Variants in CIB2 observed in about 807,000 individuals in gnomAD.
CIB2 encodes the protein calcium and integrin-binding family member 2.
In CIB2, 19 loss-of-function variants were observed where a neutral mutation model predicts 23.1. That is an observed-to-expected ratio of 0.82 (90% CI 0.57 to 1.21). CIB2 has a LOEUF of 1.21. Ranked by LOEUF, CIB2 falls within the 50% of genes most tolerant of loss-of-function variation. The pLI is 0.00. For synonymous variants in CIB2, 94 were observed against 91.7 expected, an observed-to-expected ratio of 1.03 and a Z score of -0.14; for missense variants, 220 against 241.5, an observed-to-expected ratio of 0.91 and a Z score of 0.59.
chr15:78,106,663 C>T (rs1174620951), intron 4 of CIB2, among the ~76,000 whole-genome samples: 1 of 152,130 alleles, frequency 6.6e-6, no homozygotes, highest in African/African-American at 2.4e-5. Context: ...ACCAGATCTG[C>T]GCATGTGCTG....
At chr15:78,120,777 G>A (rs1030484501) in intron 2 of CIB2, 5 of 979,644 alleles carry the variant, frequency 5.1e-6, no homozygotes, top group African/African-American at 1.8e-5. Flanking sequence ...AAAACCTCCT[G>A]CTCAAGTTTC....
At chr15:78,106,074 G>A (rs2074066400) in intron 4 of CIB2, 140 bp from the exon 5 acceptor site, 2 of 694,464 alleles carry the variant, frequency 2.9e-6, no homozygotes, top group Non-Finnish European at 4.8e-6. Flanking sequence ...CACACTCTTG[G>A]GATACTGGAT....
intron 3 of CIB2, 93 bp downstream of exon 3, chr15:78,111,072 G>A: frequency 9.8e-7 from 1 of 1,024,958 alleles, no homozygotes; most frequent in Non-Finnish European, 1.5e-6. Context: ...CAGACACAAA[G>A]GGTGGAGCTG....
chr15:78,110,797 A>C, intron 3 of CIB2: 1 of 463,560 alleles, frequency 2.2e-6, no homozygotes, highest in Non-Finnish European at 4.3e-6. Flanking sequence ...GCTATGGATG[A>C]CCACCATGCT....
intron 2 of CIB2, among the ~76,000 whole-genome samples, chr15:78,122,087 T>C (rs964693578): frequency 6.6e-6 from 1 of 152,156 alleles, no homozygotes; most frequent in Non-Finnish European, 1.5e-5. Flanking sequence ...TCCCTGTTAG[T>C]CCTGCCTGAT....
At chr15:78,119,116 A>G (rs8028859) in intron 2 of CIB2, among the ~76,000 whole-genome samples, 49,919 of 150,832 alleles carry the variant, frequency 0.33, 8,560 homozygotes, top group African/African-American at 0.43. Context: ...GGAGGCAGAG[A>G]TTGCAGCGAG....
At chr15:78,112,024 G>C (rs1385950915) in intron 2 of CIB2, among the ~76,000 whole-genome samples, 2 of 152,104 alleles carry the variant, frequency 1.3e-5, no homozygotes, top group Non-Finnish European at 2.9e-5. Flanking sequence ...GGTGGGCCTG[G>C]CCCTCCCTCC....
At chr15:78,117,122 G>A (rs796879096) in intron 2 of CIB2, among the ~76,000 whole-genome samples, 5 of 151,214 alleles carry the variant, frequency 3.3e-5, no homozygotes, top group African/African-American at 9.7e-5. Context: ...TAATGATGAC[G>A]ATGATCTGTT....
intron 2 of CIB2, among the ~76,000 whole-genome samples, chr15:78,117,617 C>A (rs2074258680): frequency 6.6e-6 from 1 of 152,150 alleles, no homozygotes; most frequent in African/African-American, 2.4e-5. Context: ...TTGCTGCCAC[C>A]ATATACAGAT....
intron 2 of CIB2, among the ~76,000 whole-genome samples, chr15:78,122,958 A>T (rs189587992): frequency 1.7e-4 from 26 of 152,274 alleles, no homozygotes; most frequent in African/African-American, 6.3e-4. Context: ...TGATCCTGGG[A>T]CTTTGCTGGC....
At chr15:78,130,735 G>T (rs900541640) in intron 1 of CIB2, among the ~76,000 whole-genome samples, 3 of 152,170 alleles carry the variant, frequency 2.0e-5, no homozygotes, top group Non-Finnish European at 2.9e-5. Flanking sequence ...TCCTAGACCA[G>T]ACAGGACGCC....
chr15:78,111,199 G>A lies in CIB2; in HGVS notation c.164C>T (p.Pro55Leu), dbSNP rs767935017. Residue 55 changes from proline (P) to leucine (L), a missense_variant, in exon 3 of 6, where the codon CCC becomes CTC. Physicochemically the swap from Pro to Leu is moderately conservative, Grantham distance 98. Coordinates refer to ENST00000258930, the MANE Select transcript of CIB2 (RefSeq NM_006383.4). ...DYRKSPIVHVPMSLIIQMPEL... is the reference protein window; with the variant it reads ...DYRKSPIVHVLMSLIIQMPEL... Reference sequence around the variant, plus strand: ...TGGCATCTGGATGATGAGGCTCATGGGCACGTGGACGATGGGGCTCTTCCT... The same window carrying A: ...TGGCATCTGGATGATGAGGCTCATGAGCACGTGGACGATGGGGCTCTTCCT... 2.5e-6 allele frequency: 4 copies of A among 1,614,208 alleles called. No individual in the cohort carries two copies. The highest frequency in any genetic ancestry group is 1.1e-5 in the South Asian group (1 of 91,088).
At chr15:78,105,463 A>G (rs1363899608) in intron 5 of CIB2, 131 bp from the exon 6 acceptor site, 4 of 1,546,266 alleles carry the variant, frequency 2.6e-6, no homozygotes, top group African/African-American at 1.4e-5. Flanking sequence ...TGCATAGTGG[A>G]TGCAGGTAAT....
chr15:78,116,765 T>C (rs2074245977), intron 2 of CIB2, among the ~76,000 whole-genome samples: 1 of 152,124 alleles, frequency 6.6e-6, no homozygotes, highest in Admixed American at 6.6e-5. Flanking sequence ...TTTTCTATTA[T>C]GTATTAACAT....
chr15:78,131,201 C>A lies in CIB2; in HGVS notation c.15G>T (p.Gln5His). MGNK[Q>H]TIFTEEQLDN... ...CTAGCTGCTCTTCGGTGAAGATGGT[C>A]TGCTTGTTCCCCATGGTGGCCGCCG... Residue 5 changes from glutamine (Q) to histidine (H), a missense_variant, in exon 1 of 6, where the codon CAG becomes CAT. Transcript: ENST00000258930. The surrounding 1 kb of genome is among the most constrained non-coding windows in gnomAD (Gnocchi z 5.8). 1 of 1,569,452 alleles carries A rather than the reference C, an allele frequency of 6.4e-7. No homozygotes were observed. The highest frequency in any genetic ancestry group is 1.1e-5 in the South Asian group (1 of 87,196).
rs1354130201 is a variant in CIB2, at chr15:78,120,587, T to C, written c.86+3118A>G. On this transcript the variant is annotated intron_variant, in intron 2 of 5. Coordinates refer to ENST00000258930, the MANE Select transcript of CIB2 (RefSeq NM_006383.4). ...TCTTACCTATAAAAAGCAAGGTGAC[T>C]GAATAGGGTGGGCTGCCCACTCGGC... 2.0e-5 allele frequency: 20 copies of C among 984,642 alleles called. No individual in the cohort carries two copies. In the South Asian group the frequency reaches 7.0e-4, roughly 35 times the overall value. The allele number at this position is 984,642 out of a possible 1,614,324, so 61.0% of individuals were successfully genotyped here.
At chr15:78,130,158 G>A (rs1336628976) in intron 1 of CIB2, among the ~76,000 whole-genome samples, 1 of 152,168 alleles carries the variant, frequency 6.6e-6, no homozygotes, top group African/African-American at 2.4e-5. Context: ...CAGTTACACA[G>A]GCCACAACAC....
At chr15:78,122,568 A>C (rs939434148) in intron 2 of CIB2, among the ~76,000 whole-genome samples, 5 of 152,342 alleles carry the variant, frequency 3.3e-5, no homozygotes, top group Middle Eastern at 3.4e-3. Context: ...CTACAGGGCA[A>C]ATCCCACTTA....
intron 4 of CIB2, 68 bp from the exon 5 acceptor site, chr15:78,106,002 TC>T: frequency 7.5e-7 from 1 of 1,330,286 alleles, no homozygotes; most frequent in Non-Finnish European, 1.1e-6. Context: ...ACACTATAGC[TC>T]TTCCTCCTAG....
Sources: allele counts gnomAD v4.1 joint callset (sites outside exome capture counted in the v4.1 genomes callset), GRCh38; gene constraint gnomAD v4.1.1; non-coding constraint Gnocchi (gnomAD v3.1); transcripts MANE v1.5; gene names NCBI Gene and HGNC (gene_info 2026-07-23, HGNC 2026-07-21).